The following SYT16 variants were observed in gnomAD, a reference collection of about 807,000 sequenced individuals.
SYT16 encodes the protein synaptotagmin-16.
In SYT16, 42 loss-of-function variants were observed where a neutral mutation model predicts 61.4. The observed-to-expected ratio is 0.68, with a 90% CI of 0.53 to 0.89. SYT16 has a LOEUF of 0.89. Among genes scored for constraint, SYT16 ranks in the 40% least tolerant of loss-of-function variants. The probability of loss-of-function intolerance (pLI) is 0.00; values close to 1 mark genes in which losing one functional copy is unlikely to be tolerated. For synonymous variants in SYT16, 314 were observed against 302.3 expected (o/e 1.04, Z -0.40); for missense variants, 804 against 807.3 (o/e 1.00, Z 0.05).
chr14:62,081,322 C>G, intron 6 of SYT16, 48 bp downstream of exon 6: 1 of 1,549,732 alleles, frequency 6.5e-7, no homozygotes, highest in Non-Finnish European at 8.8e-7. Flanking sequence ...GTTCGAAGAC[C>G]TGGGATTGTC....
At chr14:62,083,009 G>A (rs957790400) in intron 6 of SYT16, among the ~76,000 whole-genome samples, 7 of 152,320 alleles carry the variant, frequency 4.6e-5, no homozygotes, top group Non-Finnish European at 1.0e-4. Context: ...TAGGAGCACA[G>A]GAGGGGGAGT....
chr14:62,052,098 T>G (rs549365446), intron 3 of SYT16, among the ~76,000 whole-genome samples: 1 of 152,320 alleles, frequency 6.6e-6, no homozygotes, highest in East Asian at 1.9e-4. Context: ...TTATAGTTCT[T>G]CCTTGTATTT....
intron 6 of SYT16, among the ~76,000 whole-genome samples, chr14:62,082,894 G>A (rs562036372): frequency 6.6e-6 from 1 of 152,330 alleles, no homozygotes; most frequent in South Asian, 2.1e-4. Flanking sequence ...ACAGTTATGT[G>A]CCAGACATTA....
In SYT16 at chr14:62,105,753, A is replaced by G. The variant is rs1411229893; in HGVS notation, c.*5046A>G. The G allele has an allele frequency of 6.6e-6, 1 of 152,244 alleles. No individual in the cohort carries two copies. Among genetic ancestry groups the G allele is most frequent in the Non-Finnish European group, 1.5e-5 (1 of 68,042 alleles). The allele number at this position is 152,244 out of a possible 1,614,324, so 9.4% of individuals were successfully genotyped here. On this transcript the variant is annotated 3_prime_UTR_variant, in exon 8 of 8. Coordinates refer to ENST00000683842, the MANE Select transcript of SYT16 (RefSeq NM_001367656.1). The stretch of plus-strand genomic sequence containing the variant: ...AGCAAACCACTTCAAGTTCAGTGTA[A>G]CCAGGTGCCATGAGTCAGTCATGTG...
Position 61,823,346 on chromosome 14 carries a change from C to G in SYT16, c.-325+10536C>G, listed in dbSNP as rs530679046. Among the ~76,000 whole-genome samples, 14 of 151,996 alleles carry G rather than the reference C, an allele frequency of 9.2e-5. No homozygotes were observed. The South Asian group carries it at 2.9e-3, about 32-fold the overall frequency. On this transcript the variant is annotated intron_variant, in intron 1 of 7. Transcript: ENST00000683842. ...GACAGAGTCTTACTCTGTTGCCCAG[C>G]CTGGAATGCAGTGTAAAGTTTTAAT...
intron 1 of SYT16, among the ~76,000 whole-genome samples, chr14:61,880,438 A>G (rs1490254537): frequency 1.3e-5 from 2 of 152,150 alleles, no homozygotes; most frequent in African/African-American, 4.8e-5. Context: ...TCAGATGTGA[A>G]TCAGCTTTTT....
chr14:61,996,225 A>T lies in SYT16; in HGVS notation c.206A>T (p.Asp69Val), dbSNP rs183435481. 2 of 1,613,616 alleles carry T rather than the reference A, an allele frequency of 1.2e-6. No homozygotes were observed. Among genetic ancestry groups the T allele is most frequent in the Non-Finnish European group, 8.5e-7 (1 of 1,179,632 alleles). The change falls in exon 3 of 8, where the codon GAT becomes GTT. Residue 69 changes from aspartate (D) to valine (V), a missense_variant. Asp to Val is a radical substitution (Grantham distance 152). Coordinates refer to ENST00000683842, the MANE Select transcript of SYT16 (RefSeq NM_001367656.1). ...NIQIQETYFE[D>V]EEQDNDWSQE... ...CAGATTCAGGAAACGTACTTTGAAG[A>T]TGAAGAACAAGACAATGATTGGAGT...
Position 62,103,117 on chromosome 14 carries a change from G to C in SYT16, c.*2410G>C, listed in dbSNP as rs984896980. On this transcript the variant is annotated 3_prime_UTR_variant, in exon 8 of 8. Coordinates refer to ENST00000683842, the MANE Select transcript of SYT16 (RefSeq NM_001367656.1). Reference sequence around the variant, plus strand: ...AAGACAAGATATATAACAATATGTGGCTGATTTTTTTTACCTTTATTTGAA... The same window carrying C: ...AAGACAAGATATATAACAATATGTGCCTGATTTTTTTTACCTTTATTTGAA... 2.6e-5 allele frequency: 4 copies of C among 152,128 alleles called. No individual in the cohort carries two copies. Among genetic ancestry groups the C allele is most frequent in the Non-Finnish European group, 4.4e-5 (3 of 68,032 alleles). The allele number at this position is 152,128 out of a possible 1,614,324, so 9.4% of individuals were successfully genotyped here.
chr14:61,929,010 T>C (rs1179013933), intron 1 of SYT16, among the ~76,000 whole-genome samples: 2 of 152,212 alleles, frequency 1.3e-5, no homozygotes, highest in African/African-American at 2.4e-5. Flanking sequence ...TTGCTAAATA[T>C]CTATGAAAAA....
intron 3 of SYT16, among the ~76,000 whole-genome samples, chr14:62,031,228 C>G (rs2054298220): frequency 6.6e-6 from 1 of 152,156 alleles, no homozygotes; most frequent in Non-Finnish European, 1.5e-5. Context: ...CACAACCATG[C>G]CTTTAAAACT....
At chr14:62,053,040 AG>A (rs1423702302) in intron 3 of SYT16, among the ~76,000 whole-genome samples, 1 of 152,180 alleles carries the variant, frequency 6.6e-6, no homozygotes. Context: ...AGAGGCTGGA[AG>A]GGTTTTGAAG....
chr14:61,913,140 C>T (rs970093684), intron 1 of SYT16, among the ~76,000 whole-genome samples: 11 of 152,160 alleles, frequency 7.2e-5, no homozygotes, highest in Non-Finnish European at 1.5e-4. Flanking sequence ...GTTTTTGTCA[C>T]GATGTGCAAA....
chr14:61,874,590 AAGT>A (rs1196886717), intron 1 of SYT16, among the ~76,000 whole-genome samples: 1 of 152,194 alleles, frequency 6.6e-6, no homozygotes, highest in Non-Finnish European at 1.5e-5. Context: ...CTTCAAAGAT[AAGT>A]CTTCATACCT....
At chr14:61,817,880 ATGTATATG>A (rs1226498007) in intron 1 of SYT16, among the ~76,000 whole-genome samples, 1 of 152,252 alleles carries the variant, frequency 6.6e-6, no homozygotes, top group Non-Finnish European at 1.5e-5. Flanking sequence ...GTGCATTTAT[ATGTATATG>A]TGTATCATAT....
chr14:61,862,070 A>G (rs1210730809), intron 1 of SYT16, among the ~76,000 whole-genome samples: 1 of 152,256 alleles, frequency 6.6e-6, no homozygotes, highest in East Asian at 1.9e-4. Flanking sequence ...AATGAAGCGC[A>G]ATAAAGTGAG....
chr14:61,855,439 A>G (rs1189139126), intron 1 of SYT16, among the ~76,000 whole-genome samples: 1 of 152,212 alleles, frequency 6.6e-6, no homozygotes, highest in Non-Finnish European at 1.5e-5. Flanking sequence ...TACCTTTAAT[A>G]TGCTCACAAC....
At chr14:61,938,650 A>G (rs2050085620) in intron 1 of SYT16, among the ~76,000 whole-genome samples, 5 of 152,218 alleles carry the variant, frequency 3.3e-5, no homozygotes, top group Admixed American at 3.3e-4. Context: ...TTAAGAGACA[A>G]GCAAAGGAAT....
chr14:62,091,451 A>G (rs764416992), intron 7 of SYT16, among the ~76,000 whole-genome samples: 2 of 152,208 alleles, frequency 1.3e-5, no homozygotes, highest in Non-Finnish European at 2.9e-5. Context: ...GGATTGCCTA[A>G]AGCAAAAACA....
At chr14:61,961,913 A>G (rs552789413) in intron 1 of SYT16, among the ~76,000 whole-genome samples, 58 of 152,198 alleles carry the variant, frequency 3.8e-4, no homozygotes, top group Non-Finnish European at 2.5e-4. Context: ...TGGTACATAT[A>G]TGCTGTGGAA....
Sources: gnomAD v4.1 joint callset for allele counts (sites outside exome capture counted in the v4.1 genomes callset) on GRCh38, gnomAD v4.1.1 for gene constraint, MANE v1.5 for transcripts, NCBI Gene and HGNC (gene_info 2026-07-23, HGNC 2026-07-21) for gene names.